Variants in PCDH15 observed in about 807,000 individuals in gnomAD.
The protein encoded by PCDH15 is protocadherin related 15.
PCDH15 carries 129 observed loss-of-function variants against 178.5 expected under a neutral mutation model. The ratio of observed to expected loss-of-function variants is 0.72; its 90% CI spans 0.63 to 0.84. PCDH15 has a LOEUF of 0.84. Among genes scored for constraint, PCDH15 ranks in the 40% least tolerant of loss-of-function variants. The probability of loss-of-function intolerance (pLI) is 0.00; values close to 1 mark genes in which losing one functional copy is unlikely to be tolerated. For synonymous variants in PCDH15, 800 were observed against 732.0 expected, an observed-to-expected ratio of 1.09 and a Z score of -1.50; for missense variants, 2,230 against 2,099.9, an observed-to-expected ratio of 1.06 and a Z score of -1.21.
chr10:55,186,286 G>T (rs1417263899), intron 1 of PCDH15, among the ~76,000 whole-genome samples: 2 of 150,498 alleles, frequency 1.3e-5, no homozygotes, highest in African/African-American at 2.4e-5. Flanking sequence ...ATTTTTAGAT[G>T]AACAATATTT....
intron 2 of PCDH15, among the ~76,000 whole-genome samples, chr10:55,583,199 G>T (rs1023599810): frequency 7.2e-5 from 11 of 152,106 alleles, no homozygotes; most frequent in African/African-American, 2.7e-4. Context: ...TAATCACGGT[G>T]CAAACTAATG....
At chr10:55,521,329 A>G (rs1196333162) in intron 2 of PCDH15, among the ~76,000 whole-genome samples, 1 of 152,066 alleles carries the variant, frequency 6.6e-6, no homozygotes, top group Non-Finnish European at 1.5e-5. Context: ...ATGCCCCATT[A>G]AACTCATCAT....
intron 3 of PCDH15, among the ~76,000 whole-genome samples, chr10:54,484,999 A>G (rs182199082): frequency 2.4e-4 from 36 of 152,052 alleles, no homozygotes; most frequent in Admixed American, 2.2e-3. Context: ...TTAAGGCTAC[A>G]GGAAGAGTGA....
chr10:55,044,635 A>G (rs1840952599), intron 2 of PCDH15, among the ~76,000 whole-genome samples: 1 of 152,088 alleles, frequency 6.6e-6, no homozygotes, highest in Non-Finnish European at 1.5e-5. Flanking sequence ...AACTATAATT[A>G]CCTTATACAA....
intron 2 of PCDH15, among the ~76,000 whole-genome samples, chr10:55,355,223 T>C (rs1188614099): frequency 2.0e-5 from 3 of 152,080 alleles, no homozygotes; most frequent in Admixed American, 1.3e-4. Flanking sequence ...CATTTGCATG[T>C]AGATTTTTGT....
intron 1 of PCDH15, among the ~76,000 whole-genome samples, chr10:55,188,348 A>G (rs1258444604): frequency 6.6e-6 from 1 of 151,954 alleles, no homozygotes; most frequent in Non-Finnish European, 1.5e-5. Flanking sequence ...AATAGTTAAA[A>G]GAGTCACTCT....
chr10:54,642,059 A>G (rs1457192954), intron 2 of PCDH15, among the ~76,000 whole-genome samples: 1 of 151,816 alleles, frequency 6.6e-6, no homozygotes, highest in Non-Finnish European at 1.5e-5. Flanking sequence ...ATGTTAAAAT[A>G]TAACCCCCCA....
chr10:54,982,816 A>C (rs1839271532), intron 2 of PCDH15, among the ~76,000 whole-genome samples: 4 of 152,178 alleles, frequency 2.6e-5, no homozygotes, highest in Admixed American at 2.6e-4. Flanking sequence ...AAATGTAAGC[A>C]TTATATTGAT....
rs1317086944 is a variant in PCDH15 at position 55,606,761 on chromosome 10, G to A, written c.-156+20864C>T. On this transcript the variant is annotated intron_variant, in intron 2 of 5. Coordinates refer to the PCDH15 transcript ENST00000613346. ...AAAAATCAATTCAAGATGGATTAAA[G>A]ACTTAAACATTAGACCTAAAACCAT... 1.2e-4 allele frequency among the ~76,000 whole-genome samples: 18 copies of A among 144,088 alleles called. No individual in the cohort carries two copies. The East Asian group carries it at 3.7e-3, about 29-fold the overall frequency. 94.5% of individuals were successfully genotyped at this position (144,088 alleles called of 152,430 possible).
chr10:54,622,229 T>C (rs1280950446), intron 2 of PCDH15, among the ~76,000 whole-genome samples: 1 of 151,684 alleles, frequency 6.6e-6, no homozygotes, highest in African/African-American at 2.4e-5. Flanking sequence ...GTTGATGCTC[T>C]ATGTATCTAC....
At chr10:54,891,788 G>T (rs1302699983) in intron 3 of PCDH15, among the ~76,000 whole-genome samples, 1 of 152,124 alleles carries the variant, frequency 6.6e-6, no homozygotes, top group East Asian at 1.9e-4. Flanking sequence ...GCAAGGACAG[G>T]TGGTTTTGAA....
intron 11 of PCDH15, 65 bp downstream of exon 11, chr10:54,195,617 TA>T: frequency 7.4e-7 from 1 of 1,350,888 alleles, no homozygotes; most frequent in Non-Finnish European, 1.1e-6. Flanking sequence ...ATCTTTGTCA[TA>T]TTTCCCATTA....
chr10:55,214,052 A>G (rs1840636303), intron 1 of PCDH15, among the ~76,000 whole-genome samples: 2 of 151,976 alleles, frequency 1.3e-5, no homozygotes, highest in South Asian at 4.1e-4. Flanking sequence ...TCCTAAATAT[A>G]TGATATTTTA....
chr10:54,512,944 A>G lies in PCDH15; in HGVS notation c.157+14868T>C, dbSNP rs1589804766. ...AGCCATTTTCCAAGAATTAGACAGT[A>G]TTTTTACACAGCCATTAAATCATAC... On this transcript the variant is annotated intron_variant, in intron 3 of 37. Transcript: ENST00000644397. Among the ~76,000 whole-genome samples, 3 of 152,180 alleles carry G rather than the reference A, an allele frequency of 2.0e-5. 1 individual carries two copies. In the South Asian group the frequency reaches 6.2e-4, roughly 32 times the overall value.
intron 19 of PCDH15, among the ~76,000 whole-genome samples, chr10:54,020,707 A>G (rs1317281758): frequency 2.0e-5 from 3 of 151,874 alleles, no homozygotes; most frequent in Admixed American, 6.6e-5. Context: ...GTCATTGTTG[A>G]CGTTATTACT....
chr10:54,457,056 C>A (rs888884773), intron 3 of PCDH15, among the ~76,000 whole-genome samples: 8 of 152,090 alleles, frequency 5.3e-5, no homozygotes, highest in African/African-American at 1.7e-4. Flanking sequence ...CTAATACAAT[C>A]TTTTTCAGCT....
At chr10:55,143,088 C>T (rs951043528) in intron 2 of PCDH15, among the ~76,000 whole-genome samples, 1 of 151,824 alleles carries the variant, frequency 6.6e-6, no homozygotes, top group African/African-American at 2.4e-5. Context: ...CGCGCTCGCG[C>T]TCTCTCTCTC....
intron 13 of PCDH15, among the ~76,000 whole-genome samples, chr10:54,154,081 T>C (rs1285014920): frequency 1.3e-5 from 2 of 152,154 alleles, no homozygotes; most frequent in Non-Finnish European, 2.9e-5. Context: ...ATTTGGGATA[T>C]TATATGAAAA....
chr10:54,836,379 G>A lies in PCDH15; in HGVS notation c.-29+61071C>T, dbSNP rs73254101. Among the ~76,000 whole-genome samples, 560 of 152,016 alleles carry A rather than the reference G, an allele frequency of 3.7e-3. 1 individual carries two copies. The highest frequency in any genetic ancestry group is 0.013 in the African/African-American group (538 of 41,508). Reference sequence around the variant, plus strand: ...TCGATCTTGTTACAAACACACATACGCATACACACCCACACCCACACTCAT... The same window carrying A: ...TCGATCTTGTTACAAACACACATACACATACACACCCACACCCACACTCAT... On this transcript the variant is annotated intron_variant, in intron 3 of 5. Transcript: ENST00000458638.
Sources: gnomAD v4.1 joint callset for allele counts (sites outside exome capture counted in the v4.1 genomes callset) on GRCh38, gnomAD v4.1.1 for gene constraint, MANE v1.5 for transcripts, NCBI Gene and HGNC (gene_info 2026-07-23, HGNC 2026-07-21) for gene names.